Variants in FOXP2 observed in about 807,000 individuals in gnomAD.
The protein encoded by FOXP2 is forkhead box protein P2.
A neutral mutation model predicts 115.8 loss-of-function variants in FOXP2; 12 were observed. The observed-to-expected ratio is 0.10, with a 90% CI of 0.07 to 0.17. The LOEUF (loss-of-function observed/expected upper bound fraction) is 0.17. Ranked by LOEUF, FOXP2 falls within the 10% of genes least tolerant of loss-of-function variation. FOXP2 has a pLI of 1.00. For missense variants in FOXP2, 629 were observed against 843.5 expected (o/e 0.75, Z 3.15); for synonymous variants, 328 against 297.7 (o/e 1.10, Z -1.05).
In FOXP2 at chr7:114,202,370, T is replaced by G. The variant is rs1287235997; in HGVS notation, c.-102+39282T>G. On this transcript the variant is annotated intron_variant, in intron 1 of 17. Transcript: ENST00000634411. ...GGCTATAGGCTTATAAGGCATGGAT[T>G]TAAAAAATGCCATGAATGATTTCAG... 3.3e-5 allele frequency among the ~76,000 whole-genome samples: 5 copies of G among 152,284 alleles called. No individual in the cohort carries two copies. In the East Asian group the frequency reaches 9.7e-4, roughly 29 times the overall value.
chr7:114,326,626 A>G (rs575173056), intron 2 of FOXP2, among the ~76,000 whole-genome samples: 46 of 152,232 alleles, frequency 3.0e-4, no homozygotes, highest in Non-Finnish European at 5.6e-4. Flanking sequence ...TAAATAATAA[A>G]TCCAAAGTAA....
rs1276471970 is a variant in FOXP2 at position 114,653,941 on chromosome 7, G to A, written c.1198G>A (p.Glu400Lys). 7.4e-6 allele frequency: 12 copies of A among 1,612,920 alleles called. No individual in the cohort carries two copies. The highest frequency in any genetic ancestry group is 1.3e-5 in the African/African-American group (1 of 74,946). ...QLEIQLSKERERLQAMMTHLH... is the reference protein window; with the variant it reads ...QLEIQLSKERKRLQAMMTHLH... The stretch of plus-strand genomic sequence containing the variant: ...TTCTTAACAGCTTTCTAAAGAACGC[G>A]AACGTCTTCAAGCAATGATGACCCA... Residue 400 changes from glutamate (E) to lysine (K), a missense_variant, in exon 10 of 17, where the codon GAA (glutamate) becomes AAA (lysine). Transcript: ENST00000350908.
intron 3 of FOXP2, among the ~76,000 whole-genome samples, chr7:114,584,935 A>G (rs1347811697): frequency 6.6e-6 from 1 of 152,244 alleles, no homozygotes; most frequent in African/African-American, 2.4e-5. Flanking sequence ...TGTCTGGCAC[A>G]TAGTGGGTAC....
chr7:114,532,648 A>C (rs1029882054), intron 2 of FOXP2, among the ~76,000 whole-genome samples: 1 of 151,894 alleles, frequency 6.6e-6, no homozygotes, highest in Non-Finnish European at 1.5e-5. Flanking sequence ...GTCATTCATG[A>C]TTCTAAGATC....
At chr7:114,480,531 G>A (rs1225156237) in intron 2 of FOXP2, among the ~76,000 whole-genome samples, 1 of 149,056 alleles carries the variant, frequency 6.7e-6, no homozygotes, top group Admixed American at 6.7e-5. Flanking sequence ...ATATATATAT[G>A]CACACACACA....
intron 3 of FOXP2, among the ~76,000 whole-genome samples, chr7:114,558,899 G>C (rs187377498): frequency 6.6e-6 from 1 of 152,198 alleles, no homozygotes; most frequent in East Asian, 1.9e-4. Flanking sequence ...AGTGGTTGGT[G>C]TTCTGTAGTG....
intron 6 of FOXP2, among the ~76,000 whole-genome samples, chr7:114,633,503 G>A (rs1805033186): frequency 6.6e-6 from 1 of 152,000 alleles, no homozygotes; most frequent in Non-Finnish European, 1.5e-5. Flanking sequence ...AAGGAAAAAA[G>A]ATGAAATCAC....
At chr7:114,421,648 A>G (rs765102331) in intron 1 of FOXP2, among the ~76,000 whole-genome samples, 3 of 151,760 alleles carry the variant, frequency 2.0e-5, no homozygotes, top group Non-Finnish European at 4.4e-5. Flanking sequence ...ATCACTTGCT[A>G]TAACAGATAA....
chr7:114,659,690 C>T lies in FOXP2; in HGVS notation c.1647+17C>T, dbSNP rs756419361. 6.3e-7 allele frequency: 1 copy of T among 1,594,080 alleles called. No homozygotes were observed. The highest frequency in any genetic ancestry group is 2.2e-5 in the East Asian group (1 of 44,738). On this transcript the variant is annotated intron_variant, in intron 13 of 16. Transcript: ENST00000350908. The stretch of plus-strand genomic sequence containing the variant: ...ACTTGGAAGGTAACTACTTTTCCAG[C>T]AGTTTTAAGATGCCTACCACAGTTC...
At chr7:114,358,240 T>A (rs1024625787) in intron 2 of FOXP2, among the ~76,000 whole-genome samples, 4 of 152,162 alleles carry the variant, frequency 2.6e-5, no homozygotes, top group South Asian at 2.1e-4. Flanking sequence ...GCTCCTCTTT[T>A]GCCTTCCACC....
chr7:114,189,153 C>T (rs1793691040), intron 1 of FOXP2, among the ~76,000 whole-genome samples: 1 of 152,172 alleles, frequency 6.6e-6, no homozygotes, highest in African/African-American at 2.4e-5. Flanking sequence ...ACCCAATTAA[C>T]TTTATTTCAT....
At chr7:114,274,604 T>C (rs1407087873) in intron 1 of FOXP2, among the ~76,000 whole-genome samples, 14 of 33,372 alleles carry the variant, frequency 4.2e-4, no homozygotes, top group African/African-American at 1.1e-3. Context: ...CTCTCAAAGC[T>C]TTTTTTTTTT....
chr7:114,516,051 A>G (rs930038926), intron 2 of FOXP2, among the ~76,000 whole-genome samples: 16 of 152,176 alleles, frequency 1.1e-4, no homozygotes, highest in African/African-American at 3.9e-4. Context: ...CAGAATTGGA[A>G]AAAACTACTT....
At chr7:114,484,733 C>T (rs1280390984) in intron 2 of FOXP2, among the ~76,000 whole-genome samples, 1 of 151,786 alleles carries the variant, frequency 6.6e-6, no homozygotes, top group African/African-American at 2.4e-5. Flanking sequence ...AACCAACAGC[C>T]ATCATAGATA....
chr7:114,404,959 C>T lies in FOXP2; in HGVS notation c.-10-21543C>T, dbSNP rs186984729. Among the ~76,000 whole-genome samples, 239 of 151,948 alleles carry T rather than the reference C, an allele frequency of 1.6e-3. 1 individual carries two copies. Among genetic ancestry groups the T allele is most frequent in the African/African-American group, 5.3e-3 (221 of 41,488 alleles). On this transcript the variant is annotated intron_variant, in intron 2 of 17. Coordinates refer to the FOXP2 transcript ENST00000634411. ...CAGGTATCATAAAACTTAAAAGGTC[C>T]TTTTCTGTGTATCTCTGATTAGTTA...
intron 1 of FOXP2, among the ~76,000 whole-genome samples, chr7:114,104,501 A>G (rs767631229): frequency 6.6e-6 from 1 of 152,026 alleles, no homozygotes; most frequent in Non-Finnish European, 1.5e-5. Flanking sequence ...TTGATAGCAT[A>G]GGTGATGAAA....
chr7:114,221,695 G>A (rs895387888), intron 1 of FOXP2, among the ~76,000 whole-genome samples: 1 of 152,094 alleles, frequency 6.6e-6, no homozygotes, highest in Non-Finnish European at 1.5e-5. Context: ...TGTGCTTTTT[G>A]CTATATCACT....
At chr7:114,443,135 C>G (rs1794680719) in intron 2 of FOXP2, among the ~76,000 whole-genome samples, 1 of 152,182 alleles carries the variant, frequency 6.6e-6, no homozygotes, top group Admixed American at 6.6e-5. Flanking sequence ...TGCCCTGAAA[C>G]TTTTCAAAAT....
intron 2 of FOXP2, among the ~76,000 whole-genome samples, chr7:114,320,524 C>T (rs562890652): frequency 1.3e-5 from 2 of 152,258 alleles, no homozygotes; most frequent in South Asian, 2.1e-4. Flanking sequence ...ATTCTGGCAC[C>T]ACATTCAATA....
Sources: allele counts gnomAD v4.1 joint callset (sites outside exome capture counted in the v4.1 genomes callset), GRCh38; gene constraint gnomAD v4.1.1; transcripts MANE v1.5; gene names NCBI Gene and HGNC (gene_info 2026-07-23, HGNC 2026-07-21).